Variants in ZNF723 observed in about 807,000 individuals in gnomAD.
The protein encoded by ZNF723 is zinc finger protein 723, also known as zinc finger protein 723, pseudogene.
A neutral mutation model predicts 9.4 loss-of-function variants in ZNF723; 5 were observed. That is an observed-to-expected ratio of 0.53 (90% CI 0.28 to 1.12). ZNF723 has a LOEUF of 1.12. ZNF723 is among the 50% of genes most tolerant of loss of function. The probability of loss-of-function intolerance (pLI) is 0.10; values close to 1 mark genes in which losing one functional copy is unlikely to be tolerated. For missense variants in ZNF723, 450 were observed against 501.5 expected (o/e 0.90, Z 0.98); for synonymous variants, 158 against 168.8 (o/e 0.94, Z 0.49).
chr19:22,824,406 C>T, the ZNF723 span, among the ~76,000 whole-genome samples: 1,274 of 152,174 alleles, frequency 8.4e-3, 19 homozygotes, highest in African/African-American at 0.03. Context: ...TGTGACTCTT[C>T]TTCCTGGTTC....
At chr19:22,847,137 G>A (rs535770774) in intron 1 of ZNF723, among the ~76,000 whole-genome samples, 1 of 150,898 alleles carries the variant, frequency 6.6e-6, no homozygotes, top group Non-Finnish European at 1.5e-5. Flanking sequence ...ATGTAGTGGC[G>A]TGATCTCGAC....
At chr19:22,834,855 GA>G (rs1406728554) in intron 1 of ZNF723, among the ~76,000 whole-genome samples, 1 of 151,778 alleles carries the variant, frequency 6.6e-6, no homozygotes. Flanking sequence ...CCAAAGACAG[GA>G]AAAAAAACCT....
At chr19:22,839,961 G>T (rs1599473513) in intron 1 of ZNF723, among the ~76,000 whole-genome samples, 1 of 151,722 alleles carries the variant, frequency 6.6e-6, no homozygotes, top group South Asian at 2.1e-4. Flanking sequence ...TTTTTAATAA[G>T]GTTGTTTGTT....
the ZNF723 span, among the ~76,000 whole-genome samples, chr19:22,820,768 C>A: frequency 1.3e-5 from 2 of 152,150 alleles, no homozygotes; most frequent in African/African-American, 4.8e-5. Context: ...ACACGTGATA[C>A]GGTGTTTCTC....
the ZNF723 span, among the ~76,000 whole-genome samples, chr19:22,824,378 G>C: frequency 6.6e-6 from 1 of 151,968 alleles, no homozygotes; most frequent in Non-Finnish European, 1.5e-5. Context: ...AGATATTCCT[G>C]TCCTAGCATC....
chr19:22,838,413 G>A (rs558785716), intron 1 of ZNF723, among the ~76,000 whole-genome samples: 108 of 152,126 alleles, frequency 7.1e-4, no homozygotes, highest in Middle Eastern at 3.4e-3. Context: ...TTAGCCGGGC[G>A]TGGTGGCACA....
chr19:22,857,916 A>T lies in ZNF723; in HGVS notation c.1025A>T (p.Lys342Ile). ...KRIHTGEKLY[K>I]CEECGKAFSQ... ...ATTCATACTGGAGAGAAACTCTACA[A>T]ATGTGAAGAATGTGGCAAAGCATTC... is the stretch of plus-strand genomic sequence containing the variant. The change falls in exon 4 of 4, where the codon AAA becomes ATA. Residue 342 changes from lysine to isoleucine, a missense_variant. By Grantham distance (102) the Lys-to-Ile change is moderately radical (BLOSUM62 -3). This residue lies in a region of ZNF723 where 237 missense variants were observed against 332.2 expected (regional missense o/e 0.71). Coordinates refer to ENST00000600766, the MANE Select transcript of ZNF723 (RefSeq NM_001349726.2). The T allele has an allele frequency of 1.4e-6, 2 of 1,451,636 alleles. No homozygotes were observed. The highest frequency in any genetic ancestry group is 1.1e-5 in the South Asian group (1 of 87,688). The allele number at this position is 1,451,636 out of a possible 1,614,324, so 89.9% of individuals were successfully genotyped here.
At chr19:22,815,988 G>C in the ZNF723 span, among the ~76,000 whole-genome samples, 2 of 152,184 alleles carry the variant, frequency 1.3e-5, no homozygotes, top group Non-Finnish European at 2.9e-5. Context: ...CTACAATTGG[G>C]ATGGTGATGT....
intron 1 of ZNF723, among the ~76,000 whole-genome samples, chr19:22,837,167 G>T (rs190666014): frequency 5.9e-5 from 9 of 151,762 alleles, no homozygotes; most frequent in Middle Eastern, 3.4e-3. Context: ...GTGGTGTGTG[G>T]CTGTAATCCC....
At position 22,858,130 on chromosome 19, in the gene ZNF723, T is replaced by C; in HGVS notation, c.1239T>C (p.Thr413=). Reference sequence around the variant, plus strand: ...CCTTTAACCAATCCTCAGCCCTTACTACACATAAGATAATTCATACTGGAG... The same window carrying C: ...CCTTTAACCAATCCTCAGCCCTTACCACACATAAGATAATTCATACTGGAG... ...GKAFNQSSAL[T]THKIIHTGER... Residue 413 remains threonine, a synonymous_variant, in exon 4 of 4, where the codon ACT becomes ACC. Transcript: ENST00000600766. The C allele has an allele frequency of 2.8e-6, 4 of 1,441,650 alleles. No homozygotes were observed. The highest frequency in any genetic ancestry group is 3.9e-6 in the Non-Finnish European group (4 of 1,024,376). The allele number at this position is 1,441,650 out of a possible 1,614,324, so 89.3% of individuals were successfully genotyped here.
At chr19:22,818,066 C>T in the ZNF723 span, among the ~76,000 whole-genome samples, 1 of 152,136 alleles carries the variant, frequency 6.6e-6, no homozygotes, top group Non-Finnish European at 1.5e-5. Flanking sequence ...CATTTCTAAA[C>T]CTAGCTAATA....
rs142017118 is a variant in ZNF723, at chr19:22,858,297, A to C, written c.1406A>C (p.Asn469Thr). 9.7e-3 allele frequency: 11,827 copies of C among 1,215,052 alleles called. 85 individuals are homozygous for C. The highest frequency in any genetic ancestry group is 0.016 in the Middle Eastern group (85 of 5,284). 75.3% of individuals were successfully genotyped at this position (1,215,052 alleles called of 1,614,324 possible). A position where few individuals can be genotyped will look rare whatever the true frequency, so the allele number is the denominator to read the frequency against. Reference protein sequence around the residue: ...GKAFNQYSTLNKHKIIHAREK... With the variant: ...GKAFNQYSTLTKHKIIHAREK... ...GCTTTTAACCAATATTCAACCCTTA[A>C]TAAACATAAGATAATTCATGCTAGA... Residue 469 changes from asparagine to threonine, a missense_variant, in exon 4 of 4, where the codon AAT becomes ACT. Asn to Thr is a moderately conservative substitution (Grantham distance 65, BLOSUM62 0). Transcript: ENST00000600766.
intron 1 of ZNF723, among the ~76,000 whole-genome samples, chr19:22,834,358 G>A (rs1273975726): frequency 6.6e-6 from 1 of 151,838 alleles, no homozygotes; most frequent in Non-Finnish European, 1.5e-5. Flanking sequence ...GCAATGTACT[G>A]TAAATAAATC....
chr19:22,819,244 G>A, the ZNF723 span, among the ~76,000 whole-genome samples: 1 of 152,170 alleles, frequency 6.6e-6, no homozygotes, highest in African/African-American at 2.4e-5. Context: ...TTATCTCTGT[G>A]TCCATCAACA....
rs1000103258 is a variant in ZNF723, at chr19:22,835,454, A to G, written c.3+3072A>G. 3.9e-5 allele frequency among the ~76,000 whole-genome samples: 6 copies of G among 152,188 alleles called. No homozygotes were observed. The South Asian group carries it at 1.0e-3, about 26-fold the overall frequency. ...GAAAGGTTAAAAAGAAAATGTTTACAAAGGGCATAAAAGAGGTGAGTTTCA... is the reference window on the plus strand; with the variant it reads ...GAAAGGTTAAAAAGAAAATGTTTACGAAGGGCATAAAAGAGGTGAGTTTCA... On this transcript the variant is annotated intron_variant, in intron 1 of 3. Transcript: ENST00000600766.
upstream of ZNF723, among the ~76,000 whole-genome samples, chr19:22,829,138 A>G (rs1007772377): frequency 6.6e-6 from 1 of 151,880 alleles, no homozygotes; most frequent in African/African-American, 2.4e-5. Context: ...GCGCCCTTGC[A>G]CTCCAGCCTG....
intron 3 of ZNF723, among the ~76,000 whole-genome samples, chr19:22,851,435 G>C (rs565114212): frequency 1.3e-5 from 2 of 152,090 alleles, no homozygotes; most frequent in Non-Finnish European, 2.9e-5. Context: ...ACCTCCTAAA[G>C]TGCTGGGATT....
intron 1 of ZNF723, among the ~76,000 whole-genome samples, chr19:22,839,018 A>G (rs962976835): frequency 1.3e-5 from 2 of 152,146 alleles, no homozygotes; most frequent in African/African-American, 4.8e-5. Context: ...AAATGCTGGG[A>G]TTACGGGCAT....
In ZNF723 at chr19:22,832,474, G is replaced by T; in HGVS notation, c.3+92G>T. ...GTGGCGGGACTCAGGCCTCCCTGCT[G>T]TCAGCCCCACAATCTGCGCTCGGAG... On this transcript the variant is annotated intron_variant, in intron 1 of 3. Transcript: ENST00000600766. The T allele has an allele frequency of 3.2e-6, 4 of 1,234,834 alleles. No homozygotes were observed. In the South Asian group the frequency reaches 4.8e-5, roughly 15 times the overall value. 76.5% of individuals were successfully genotyped at this position (1,234,834 alleles called of 1,614,324 possible). A position where few individuals can be genotyped will look rare whatever the true frequency, so the allele number is the denominator to read the frequency against.
Sources: allele counts gnomAD v4.1 joint callset (sites outside exome capture counted in the v4.1 genomes callset), GRCh38; gene constraint gnomAD v4.1.1; regional missense constraint gnomAD v4.1.1; transcripts MANE v1.5; gene names NCBI Gene and HGNC (gene_info 2026-07-23, HGNC 2026-07-21).